KIF6: variants seen among roughly 807,000 people sequenced by gnomAD.
KIF6 encodes kinesin-like protein KIF6.
A neutral mutation model predicts 112.7 loss-of-function variants in KIF6; 106 were observed. The ratio of observed to expected loss-of-function variants is 0.94; its 90% CI spans 0.80 to 1.11. The LOEUF is 1.11. KIF6 is among the 50% of genes least tolerant of loss of function. The pLI, the probability that KIF6 is intolerant of heterozygous loss-of-function variation, is 0.00. For synonymous variants in KIF6, 339 were observed against 339.9 expected, an observed-to-expected ratio of 1.00 and a Z score of 0.03; for missense variants, 929 against 964.0, an observed-to-expected ratio of 0.96 and a Z score of 0.48.
At chr6:39,540,722 G>T (rs964547685) in intron 12 of KIF6, among the ~76,000 whole-genome samples, 6 of 152,236 alleles carry the variant, frequency 3.9e-5, no homozygotes, top group Non-Finnish European at 7.3e-5. Flanking sequence ...CGGTGACAAA[G>T]GTTCAGCCAG....
In KIF6 at chr6:39,719,364, G is replaced by GA. The variant is rs1790072590; in HGVS notation, c.176+1337dup. 4.0e-5 allele frequency among the ~76,000 whole-genome samples: 5 copies of GA among 126,136 alleles called. No individual in the cohort carries two copies. The East Asian group carries it at 1.2e-3, about 31-fold the overall frequency. 82.8% of individuals were successfully genotyped at this position (126,136 alleles called of 152,430 possible). ...AAAAGAAAAAGAGAGAGAGAGAGAG[G>GA]AATAAAAAAAAATCTGGGATAGTTT... On this transcript the variant is annotated intron_variant, in intron 2 of 22. Transcript: ENST00000287152.
intron 3 of KIF6, among the ~76,000 whole-genome samples, chr6:39,675,678 T>G (rs557734178): frequency 6.6e-6 from 1 of 152,000 alleles, no homozygotes; most frequent in Admixed American, 6.6e-5. Context: ...AGCTATCACA[T>G]AAGACTATAT....
rs752736895 is a variant in KIF6, at chr6:39,333,662, A to G, written c.*2870T>C. 1.3e-5 allele frequency: 2 copies of G among 152,254 alleles called. No individual in the cohort carries two copies. The highest frequency in any genetic ancestry group is 2.9e-5 in the Non-Finnish European group (2 of 68,052). The allele number at this position is 152,254 out of a possible 1,614,324, so 9.4% of individuals were successfully genotyped here. A position where few individuals can be genotyped will look rare whatever the true frequency, so the allele number is the denominator to read the frequency against. ...TCTATACTGGTGGTGAAGAATTAAA[A>G]TGATGTATTCAGTATACCACAATTT... On this transcript the variant is annotated 3_prime_UTR_variant, in exon 23 of 23. Coordinates refer to ENST00000287152, the MANE Select transcript of KIF6 (RefSeq NM_145027.6).
At chr6:39,615,033 G>C (rs779002751) in intron 5 of KIF6, among the ~76,000 whole-genome samples, 9 of 152,082 alleles carry the variant, frequency 5.9e-5, no homozygotes, top group Non-Finnish European at 1.2e-4. Context: ...AAAGGGCTAG[G>C]TGCAGTGGCT....
At chr6:39,475,753 T>G (rs1774390369) in intron 13 of KIF6, among the ~76,000 whole-genome samples, 1 of 152,178 alleles carries the variant, frequency 6.6e-6, no homozygotes, top group Admixed American at 6.5e-5. Flanking sequence ...GAGAGGCGCC[T>G]TCATGAGCAG....
chr6:39,474,665 T>C (rs892199139), intron 13 of KIF6, among the ~76,000 whole-genome samples: 4 of 152,238 alleles, frequency 2.6e-5, no homozygotes, highest in African/African-American at 9.6e-5. Context: ...GTCTGAAGCT[T>C]CTCCTCCACC....
rs181112244 is a variant in KIF6 at position 39,436,125 on chromosome 6, C to T, written c.1646-4964G>A. ...TTCCCTGATAATTAATGATGTTGAGCATTTTTGCATGTTTGCTGGCCATTT... is the reference window on the plus strand; with the variant it reads ...TTCCCTGATAATTAATGATGTTGAGTATTTTTGCATGTTTGCTGGCCATTT... On this transcript the variant is annotated intron_variant, in intron 13 of 22. Transcript: ENST00000287152. Among the ~76,000 whole-genome samples, 5 of 152,138 alleles carry T rather than the reference C, an allele frequency of 3.3e-5. No homozygotes were observed. The East Asian group carries it at 9.6e-4, about 29-fold the overall frequency.
intron 10 of KIF6, among the ~76,000 whole-genome samples, chr6:39,564,746 A>G (rs1396972060): frequency 2.0e-5 from 3 of 152,244 alleles, no homozygotes; most frequent in African/African-American, 7.2e-5. Flanking sequence ...TTTGGAGTCA[A>G]TGCTCCATTA....
intron 15 of KIF6, among the ~76,000 whole-genome samples, chr6:39,413,426 T>G (rs1201776762): frequency 6.6e-6 from 1 of 152,164 alleles, no homozygotes. Flanking sequence ...GTTTATGTGG[T>G]GCAGATGGGC....
At chr6:39,454,803 T>G (rs1314416072) in intron 13 of KIF6, among the ~76,000 whole-genome samples, 1 of 152,000 alleles carries the variant, frequency 6.6e-6, no homozygotes, top group Non-Finnish European at 1.5e-5. Context: ...AATATTGCGC[T>G]TTTCAGACCG....
intron 3 of KIF6, among the ~76,000 whole-genome samples, chr6:39,681,504 C>A (rs1787510288): frequency 6.6e-6 from 1 of 152,096 alleles, no homozygotes; most frequent in Non-Finnish European, 1.5e-5. Context: ...CTTTTCTTGT[C>A]AACAAATCAT....
At chr6:39,624,139 C>T (rs1411716685) in intron 5 of KIF6, among the ~76,000 whole-genome samples, 1 of 152,160 alleles carries the variant, frequency 6.6e-6, no homozygotes, top group Non-Finnish European at 1.5e-5. Flanking sequence ...GCTCTTTTCA[C>T]ATGTACATAC....
chr6:39,352,707 G>A (rs1406548339), intron 19 of KIF6, among the ~76,000 whole-genome samples: 2 of 151,582 alleles, frequency 1.3e-5, no homozygotes, highest in African/African-American at 2.4e-5. Flanking sequence ...CGGTTCAAGC[G>A]ATTCTCCTGC....
intron 3 of KIF6, among the ~76,000 whole-genome samples, chr6:39,643,122 T>C (rs142839007): frequency 7.4e-4 from 113 of 152,324 alleles, no homozygotes; most frequent in African/African-American, 2.5e-3. Flanking sequence ...AGTCTCTATT[T>C]GCACATGACA....
Position 39,516,724 on chromosome 6 carries a change from G to A in KIF6, c.1645+23279C>T, listed in dbSNP as rs144460150. On this transcript the variant is annotated intron_variant, in intron 13 of 22. Coordinates refer to ENST00000287152, the MANE Select transcript of KIF6 (RefSeq NM_145027.6). The stretch of plus-strand genomic sequence containing the variant: ...TGGCATCATTCTTGCTAAGCTTTAT[G>A]GATGTGTTGCCACATGCAACAAAGA... Among the ~76,000 whole-genome samples the A allele has an allele frequency of 3.9e-3, 593 of 152,250 alleles. 8 individuals carry two copies. Among genetic ancestry groups the A allele is most frequent in the African/African-American group, 0.013 (557 of 41,544 alleles).
intron 3 of KIF6, among the ~76,000 whole-genome samples, chr6:39,662,528 G>C (rs1391462267): frequency 6.6e-6 from 1 of 152,132 alleles, no homozygotes; most frequent in Non-Finnish European, 1.5e-5. Context: ...TGTAAAAATA[G>C]TCTCATAAGA....
intron 13 of KIF6, among the ~76,000 whole-genome samples, chr6:39,536,433 A>C (rs941179967): frequency 6.6e-6 from 1 of 151,816 alleles, no homozygotes; most frequent in African/African-American, 2.4e-5. Flanking sequence ...AATACTACAA[A>C]CAACTCTATG....
chr6:39,370,475 C>T (rs1285313068), intron 16 of KIF6, among the ~76,000 whole-genome samples: 1 of 152,180 alleles, frequency 6.6e-6, no homozygotes, highest in Non-Finnish European at 1.5e-5. Flanking sequence ...ATACCTGCTA[C>T]TAGCCAATTT....
At chr6:39,449,938 C>G (rs1357320396) in intron 13 of KIF6, among the ~76,000 whole-genome samples, 2 of 152,246 alleles carry the variant, frequency 1.3e-5, no homozygotes, top group Non-Finnish European at 2.9e-5. Context: ...AACCTGTACC[C>G]TGACTAACCT....
Sources: allele counts gnomAD v4.1 joint callset (sites outside exome capture counted in the v4.1 genomes callset), GRCh38; gene constraint gnomAD v4.1.1; transcripts MANE v1.5; gene names NCBI Gene and HGNC (gene_info 2026-07-23, HGNC 2026-07-21).